NETO1: variants seen among roughly 807,000 people sequenced by gnomAD.
The protein encoded by NETO1 is neuropilin and tolloid-like protein 1.
In NETO1, 26 loss-of-function variants were observed where a neutral mutation model predicts 61.3. The ratio of observed to expected loss-of-function variants is 0.42; its 90% CI spans 0.31 to 0.59. The LOEUF (loss-of-function observed/expected upper bound fraction) is 0.59, where lower values mean the gene tolerates loss of function less well. NETO1 is among the 20% of genes least tolerant of loss of function. NETO1 has a pLI of 0.12. For synonymous variants in NETO1, 225 were observed against 225.8 expected (o/e 1.00, Z 0.03); for missense variants, 531 against 662.8 (o/e 0.80, Z 2.18).
intron 4 of NETO1, among the ~76,000 whole-genome samples, chr18:72,809,955 C>T (rs928945870): frequency 7.2e-5 from 11 of 152,032 alleles, no homozygotes; most frequent in South Asian, 4.1e-4. Flanking sequence ...CTATTTAGCT[C>T]GAAAATAATA....
intron 4 of NETO1, among the ~76,000 whole-genome samples, chr18:72,829,225 C>G (rs2073492754): frequency 6.6e-6 from 1 of 152,138 alleles, no homozygotes; most frequent in Admixed American, 6.5e-5. Flanking sequence ...CATTAGATAA[C>G]ATCTAAATAA....
At chr18:72,764,532 C>G (rs2071087249) in intron 7 of NETO1, among the ~76,000 whole-genome samples, 1 of 152,124 alleles carries the variant, frequency 6.6e-6, no homozygotes, top group South Asian at 2.1e-4. Flanking sequence ...TCACAGGTCC[C>G]TTATTTCCTC....
At position 72,750,312 on chromosome 18, in the gene NETO1, G is replaced by A; in HGVS notation, c.1291C>T (p.His431Tyr). ...RRSSSKCIHD[H>Y]HCGSQLSSTK... ...CTGGACAGCTGTGATCCACAGTGAT[G>A]GTCATGAATGCATTTGGAAGATGAC... Residue 431 changes from histidine to tyrosine, a missense_variant, in exon 9 of 11, where the codon CAT becomes TAT. Physicochemically the swap from His to Tyr is moderately conservative, Grantham distance 83. Transcript: ENST00000327305. The A allele has an allele frequency of 1.2e-6, 2 of 1,614,006 alleles. No individual in the cohort carries two copies. Among genetic ancestry groups the A allele is most frequent in the Non-Finnish European group, 1.7e-6 (2 of 1,179,982 alleles).
chr18:72,787,039 T>C (rs1045552454), intron 6 of NETO1, among the ~76,000 whole-genome samples: 2 of 150,078 alleles, frequency 1.3e-5, no homozygotes, highest in African/African-American at 2.4e-5. Flanking sequence ...GATTTAAATT[T>C]CTTTTCATCA....
At chr18:72,838,313 C>A (rs2073820017) in intron 4 of NETO1, among the ~76,000 whole-genome samples, 1 of 152,196 alleles carries the variant, frequency 6.6e-6, no homozygotes, top group Non-Finnish European at 1.5e-5. Flanking sequence ...ACTCAGAGGA[C>A]ATAGTTATGT....
chr18:72,760,167 T>C (rs1327326909), intron 7 of NETO1, among the ~76,000 whole-genome samples: 3 of 152,192 alleles, frequency 2.0e-5, no homozygotes, highest in African/African-American at 7.2e-5. Context: ...AAGATGGAAA[T>C]TGATTTCTAT....
At chr18:72,846,773 A>G (rs1223869567) in intron 4 of NETO1, among the ~76,000 whole-genome samples, 1 of 152,222 alleles carries the variant, frequency 6.6e-6, no homozygotes, top group African/African-American at 2.4e-5. Context: ...ATTATTTACA[A>G]CAGCAGATCT....
rs2070408681 is a variant in NETO1 at position 72,745,405 on chromosome 18, T to A, written c.*2774A>T. The A allele has an allele frequency of 6.6e-6, 1 of 152,088 alleles. No individual in the cohort carries two copies. Among genetic ancestry groups the A allele is most frequent in the Non-Finnish European group, 1.5e-5 (1 of 68,006 alleles). 9.4% of individuals were successfully genotyped at this position (152,088 alleles called of 1,614,324 possible). A position where few individuals can be genotyped will look rare whatever the true frequency, so the allele number is the denominator to read the frequency against. Reference sequence around the variant, plus strand: ...ATTATTTTGAAAAGTGAATGAAAACTTGAAAAAATAAAATGAAAAAGAATA... The same window carrying A: ...ATTATTTTGAAAAGTGAATGAAAACATGAAAAAATAAAATGAAAAAGAATA... On this transcript the variant is annotated 3_prime_UTR_variant, in exon 11 of 11. Transcript: ENST00000327305.
chr18:72,758,943 AATATT>A (rs771414243), intron 7 of NETO1, among the ~76,000 whole-genome samples: 13 of 152,212 alleles, frequency 8.5e-5, no homozygotes, highest in Non-Finnish European at 1.6e-4. Flanking sequence ...CCCAAAGTAT[AATATT>A]ATATTGGGTT....
At chr18:72,828,826 G>C (rs73474008) in intron 4 of NETO1, among the ~76,000 whole-genome samples, 1 of 152,092 alleles carries the variant, frequency 6.6e-6, no homozygotes, top group South Asian at 2.1e-4. Flanking sequence ...AGTCAAATAA[G>C]GTCTACTAAG....
At chr18:72,793,354 GA>G (rs2072199009) in intron 6 of NETO1, among the ~76,000 whole-genome samples, 1 of 152,068 alleles carries the variant, frequency 6.6e-6, no homozygotes, top group Non-Finnish European at 1.5e-5. Flanking sequence ...CTGTATTTTG[GA>G]AAATATTTCC....
chr18:72,749,215 A>G (rs759134611), intron 9 of NETO1, 127 bp from the exon 10 acceptor site: 127 of 626,364 alleles, frequency 2.0e-4, no homozygotes, highest in Non-Finnish European at 3.3e-4. Context: ...TCAGCATGCA[A>G]AACATATCAA....
intron 4 of NETO1, among the ~76,000 whole-genome samples, chr18:72,828,028 T>A (rs1261056210): frequency 6.6e-6 from 1 of 152,248 alleles, no homozygotes; most frequent in South Asian, 2.1e-4. Context: ...AAATTAAAAA[T>A]GCAGCCAGGC....
intron 1 of NETO1, chr18:72,867,059 G>A: frequency 4.3e-6 from 2 of 468,952 alleles, no homozygotes; most frequent in South Asian, 4.6e-5. Flanking sequence ...CAGGTTTTGG[G>A]ATCCGGCGAC....
intron 4 of NETO1, among the ~76,000 whole-genome samples, chr18:72,848,848 T>C (rs1227625886): frequency 6.6e-6 from 1 of 152,206 alleles, no homozygotes; most frequent in African/African-American, 2.4e-5. Context: ...TTTATATCTG[T>C]CTCCTTTAGT....
chr18:72,850,963 G>A (rs575166616), intron 4 of NETO1, among the ~76,000 whole-genome samples: 2 of 152,278 alleles, frequency 1.3e-5, no homozygotes, highest in South Asian at 4.1e-4. Flanking sequence ...GAATGTGCAT[G>A]GAACGAGCTC....
At position 72,784,818 on chromosome 18, in the gene NETO1, G is replaced by A. The variant is rs538884501; in HGVS notation, c.640-912C>T. On this transcript the variant is annotated intron_variant, in intron 6 of 10. Coordinates refer to ENST00000327305, the MANE Select transcript of NETO1 (RefSeq NM_138966.5). ...CTATAAAGAAATAATTTGTTCATGC[G>A]TCCATCGATTCAGTGGCATCCACAG... is the stretch of plus-strand genomic sequence containing the variant. Among the ~76,000 whole-genome samples the A allele has an allele frequency of 1.1e-4, 17 of 152,268 alleles. No homozygotes were observed. In the South Asian group the frequency reaches 1.5e-3, roughly 13 times the overall value.
intron 8 of NETO1, 47 bp from the exon 9 acceptor site, chr18:72,750,667 C>T (rs763221598): frequency 8.8e-6 from 12 of 1,367,932 alleles, no homozygotes; most frequent in African/African-American, 7.2e-5. Context: ...AAAGAAGAAG[C>T]AACGCAGCAA....
At chr18:72,823,802 A>G (rs2073287701) in intron 4 of NETO1, among the ~76,000 whole-genome samples, 1 of 152,176 alleles carries the variant, frequency 6.6e-6, no homozygotes, top group Non-Finnish European at 1.5e-5. Context: ...ATCCATGGGC[A>G]CTCATTTCTG....
Sources: gnomAD v4.1 joint callset for allele counts (sites outside exome capture counted in the v4.1 genomes callset) on GRCh38, gnomAD v4.1.1 for gene constraint, MANE v1.5 for transcripts, NCBI Gene and HGNC (gene_info 2026-07-23, HGNC 2026-07-21) for gene names.